Variants in HECTD2 observed in about 807,000 individuals in gnomAD.
HECTD2 encodes probable E3 ubiquitin-protein ligase HECTD2.
In HECTD2, 35 loss-of-function variants were observed where a neutral mutation model predicts 103.2. That is an observed-to-expected ratio of 0.34 (90% CI 0.26 to 0.45). The LOEUF is 0.45. HECTD2 is among the 20% of genes least tolerant of loss of function. The pLI, the probability that HECTD2 is intolerant of heterozygous loss-of-function variation, is 1.00. For synonymous variants in HECTD2, 281 were observed against 329.9 expected, an observed-to-expected ratio of 0.85 and a Z score of 1.61; for missense variants, 596 against 937.4, an observed-to-expected ratio of 0.64 and a Z score of 4.76.
intron 11 of HECTD2, 29 bp from the exon 12 acceptor site, chr10:91,491,171 C>A: frequency 1.7e-6 from 2 of 1,176,252 alleles, no homozygotes; most frequent in Non-Finnish European, 2.5e-6. Flanking sequence ...TAAGTAAAAG[C>A]AAAACTGTTT....
chr10:91,494,684 A>G (rs759175671), intron 14 of HECTD2, among the ~76,000 whole-genome samples: 7 of 152,064 alleles, frequency 4.6e-5, no homozygotes, highest in Non-Finnish European at 8.8e-5. Context: ...CACAAAATGA[A>G]TAACGCTTAA....
rs1424654688 is a variant in HECTD2, at chr10:91,496,313, C to A, written c.1621C>A (p.Gln541Lys). 2.5e-6 allele frequency: 4 copies of A among 1,611,876 alleles called. No individual in the cohort carries two copies. The highest frequency in any genetic ancestry group is 2.5e-6 in the Non-Finnish European group (3 of 1,178,124). The change falls in exon 15 of 21, where the codon CAA (glutamine) becomes AAA (lysine). Residue 541 changes from glutamine to lysine, a missense_variant. Physicochemically the swap from Gln to Lys is moderately conservative, Grantham distance 53. Transcript: ENST00000298068. Reference sequence around the variant, plus strand: ...GAGCCCTCCCATCATTCCTAGTGATCAAAATATACCAGTAGGCATCTGCAA... The same window carrying A: ...GAGCCCTCCCATCATTCCTAGTGATAAAAATATACCAGTAGGCATCTGCAA... ...LLSPPIIPSDQNIPVGICNVT... is the reference protein window; with the variant it reads ...LLSPPIIPSDKNIPVGICNVT...
At chr10:91,437,619 C>CTTTTTTTTTTTTTTTTTTTGTTGTTT (rs1844179173) in intron 2 of HECTD2, among the ~76,000 whole-genome samples, 1 of 87,422 alleles carries the variant, frequency 1.1e-5, no homozygotes, top group Non-Finnish European at 2.7e-5. Context: ...GATGGTTGTT[C>CTTTTTTTTTTTTTTTTTTTGTTGTTT]TTTTTTTTTT....
intron 20 of HECTD2, among the ~76,000 whole-genome samples, chr10:91,511,461 A>G (rs930953686): frequency 6.6e-6 from 1 of 152,140 alleles, no homozygotes; most frequent in African/African-American, 2.4e-5. Flanking sequence ...TGTTTTGTGT[A>G]TATCACTCTT....
chr10:91,471,695 G>A (rs1017049943), intron 5 of HECTD2, among the ~76,000 whole-genome samples: 2 of 152,110 alleles, frequency 1.3e-5, no homozygotes, highest in African/African-American at 2.4e-5. Flanking sequence ...AATCAAGAAC[G>A]CAATTCCACT....
At chr10:91,456,765 T>A (rs1195480802) in intron 2 of HECTD2, among the ~76,000 whole-genome samples, 1 of 152,020 alleles carries the variant, frequency 6.6e-6, no homozygotes, top group Non-Finnish European at 1.5e-5. Flanking sequence ...GGGGAAAGTT[T>A]CAAAACAAAT....
At chr10:91,484,733 C>A in intron 9 of HECTD2, 78 bp downstream of exon 9, 1 of 1,070,858 alleles carries the variant, frequency 9.3e-7, no homozygotes, top group Non-Finnish European at 1.3e-6. Context: ...TTTCAAAAGA[C>A]TATAGAGGCA....
chr10:91,444,545 G>C (rs1375011543), intron 2 of HECTD2, among the ~76,000 whole-genome samples: 1 of 152,128 alleles, frequency 6.6e-6, no homozygotes, highest in Non-Finnish European at 1.5e-5. Context: ...TCAGATTAGT[G>C]AATGAAAACC....
In HECTD2 at chr10:91,514,505, T is replaced by G. The variant is rs1314997979; in HGVS notation, c.*2121T>G. ...TTTATTAATTTAAAAAGCTAGAAAA[T>G]TCATGTAGTTACTTTTTTTACATAT... On this transcript the variant is annotated 3_prime_UTR_variant, in exon 21 of 21. Transcript: ENST00000298068. 6.6e-6 allele frequency: 1 copy of G among 152,628 alleles called. No homozygotes were observed. The highest frequency in any genetic ancestry group is 1.5e-5 in the Non-Finnish European group (1 of 68,026). 9.5% of individuals were successfully genotyped at this position (152,628 alleles called of 1,614,324 possible).
chr10:91,443,660 A>C (rs1589486951), intron 2 of HECTD2, among the ~76,000 whole-genome samples: 1 of 152,102 alleles, frequency 6.6e-6, no homozygotes, highest in African/African-American at 2.4e-5. Context: ...GGAATGCTTA[A>C]GTCTGCTGAA....
At chr10:91,445,389 C>T (rs756138908) in intron 2 of HECTD2, among the ~76,000 whole-genome samples, 13 of 152,102 alleles carry the variant, frequency 8.5e-5, no homozygotes, top group Non-Finnish European at 5.9e-5. Flanking sequence ...GCTGGTTACA[C>T]GCTCTTGCAA....
chr10:91,508,667 C>G (rs1404348722), intron 20 of HECTD2, among the ~76,000 whole-genome samples: 1 of 148,226 alleles, frequency 6.7e-6, no homozygotes, highest in Non-Finnish European at 1.5e-5. Flanking sequence ...CACTTTTACA[C>G]TGTTGGTGGG....
chr10:91,468,208 T>G (rs967517211), intron 5 of HECTD2, among the ~76,000 whole-genome samples: 9 of 152,058 alleles, frequency 5.9e-5, no homozygotes, highest in African/African-American at 1.7e-4. Flanking sequence ...CACAGCAGGT[T>G]CCTAACCTTG....
chr10:91,493,387 G>C, intron 13 of HECTD2, 33 bp from the exon 14 acceptor site: 1 of 1,214,210 alleles, frequency 8.2e-7, no homozygotes, highest in Non-Finnish European at 1.1e-6. Context: ...AGTCAATCAT[G>C]TTAATAATAA....
intron 2 of HECTD2, among the ~76,000 whole-genome samples, chr10:91,445,631 C>T (rs1589490010): frequency 6.6e-6 from 1 of 152,078 alleles, no homozygotes; most frequent in East Asian, 1.9e-4. Flanking sequence ...TCTGCAGCTC[C>T]CAGTGAGATC....
chr10:91,503,978 C>A (rs1404048207), intron 20 of HECTD2, among the ~76,000 whole-genome samples: 1 of 152,194 alleles, frequency 6.6e-6, no homozygotes, highest in Admixed American at 6.5e-5. Context: ...ACCTGACCCC[C>A]GAGCAGCCTA....
chr10:91,452,968 CAAAA>C (rs988966642), intron 2 of HECTD2, among the ~76,000 whole-genome samples: 8 of 151,734 alleles, frequency 5.3e-5, no homozygotes, highest in Non-Finnish European at 1.0e-4. Flanking sequence ...AGAAAGGAAA[CAAAA>C]GAAGGAAACT....
intron 2 of HECTD2, among the ~76,000 whole-genome samples, chr10:91,435,565 T>C (rs1314348049): frequency 6.6e-6 from 1 of 151,984 alleles, no homozygotes; most frequent in Non-Finnish European, 1.5e-5. Context: ...TCAGTTCCAG[T>C]CTGTATGGAG....
Position 91,500,562 on chromosome 10 carries a change from G to T in HECTD2, c.2011G>T (p.Ala671Ser). 1 of 1,612,590 alleles carries T rather than the reference G, an allele frequency of 6.2e-7. No individual in the cohort carries two copies. The highest frequency in any genetic ancestry group is 8.5e-7 in the Non-Finnish European group (1 of 1,178,646). ...TGGAAGTCCTGACCTGGATATGCAT[G>T]CTCTGCAGAGAAGTACTCAGTATGA... is the stretch of plus-strand genomic sequence containing the variant. ...VCGSPDLDMH[A>S]LQRSTQYDGY... The change falls in exon 19 of 21, where the codon GCT becomes TCT. Residue 671 changes from alanine (A) to serine (S), a missense_variant. This residue lies in a region of HECTD2 where 69 missense variants were observed against 153.8 expected (regional missense o/e 0.45). Transcript: ENST00000298068.
Sources: allele counts gnomAD v4.1 joint callset (sites outside exome capture counted in the v4.1 genomes callset), GRCh38; gene constraint gnomAD v4.1.1; regional missense constraint gnomAD v4.1.1; transcripts MANE v1.5; gene names NCBI Gene and HGNC (gene_info 2026-07-23, HGNC 2026-07-21).